Variants in FBXL13 observed in about 807,000 individuals in gnomAD.
FBXL13 encodes the protein F-box and leucine rich repeat protein 13.
FBXL13 carries 67 observed loss-of-function variants against 83.6 expected under a neutral mutation model. The observed-to-expected ratio is 0.80, with a 90% CI of 0.66 to 0.98. FBXL13 has a LOEUF of 0.98. Among genes scored for constraint, FBXL13 ranks in the 50% least tolerant of loss-of-function variants. FBXL13 has a pLI of 0.00. For missense variants in FBXL13, 822 were observed against 866.5 expected, an observed-to-expected ratio of 0.95 and a Z score of 0.64; for synonymous variants, 272 against 299.5, an observed-to-expected ratio of 0.91 and a Z score of 0.95.
At chr7:103,071,424 C>T (rs997412341) in intron 1 of FBXL13, among the ~76,000 whole-genome samples, 2 of 152,096 alleles carry the variant, frequency 1.3e-5, no homozygotes, top group African/African-American at 2.4e-5. Flanking sequence ...TGCTCCATCA[C>T]CCAGGCTGGA....
intron 8 of FBXL13, among the ~76,000 whole-genome samples, chr7:102,948,208 C>T (rs1052733446): frequency 3.3e-5 from 5 of 151,286 alleles, no homozygotes; most frequent in Admixed American, 1.3e-4. Context: ...GGATTACAGG[C>T]GCCCGCCACC....
intron 9 of FBXL13, among the ~76,000 whole-genome samples, chr7:102,930,201 G>A (rs1334411760): frequency 2.0e-5 from 3 of 152,166 alleles, no homozygotes; most frequent in African/African-American, 7.2e-5. Flanking sequence ...GAGGTAGCAG[G>A]GAGGGGCCAA....
intron 6 of FBXL13, among the ~76,000 whole-genome samples, chr7:102,998,000 A>G (rs967497196): frequency 6.6e-6 from 1 of 152,162 alleles, no homozygotes; most frequent in African/African-American, 2.4e-5. Context: ...ATTGTCTTCC[A>G]TATCACTGTA....
chr7:102,882,966 A>C (rs781242166), intron 14 of FBXL13, among the ~76,000 whole-genome samples: 4 of 152,082 alleles, frequency 2.6e-5, no homozygotes, highest in African/African-American at 4.8e-5. Context: ...GTTCTTCATA[A>C]GCAAGTCAGA....
At chr7:102,955,178 T>C (rs1824054026) in intron 8 of FBXL13, among the ~76,000 whole-genome samples, 1 of 151,962 alleles carries the variant, frequency 6.6e-6, no homozygotes, top group African/African-American at 2.4e-5. Flanking sequence ...ACAACAGAAA[T>C]CACAACAAAC....
intron 16 of FBXL13, among the ~76,000 whole-genome samples, chr7:102,864,916 G>A (rs982843674): frequency 2.0e-5 from 3 of 152,170 alleles, no homozygotes; most frequent in African/African-American, 7.2e-5. Flanking sequence ...CTTGCCTGCG[G>A]TCTCAAAGTG....
At chr7:103,037,342 A>G (rs1339690036) in intron 2 of FBXL13, among the ~76,000 whole-genome samples, 1 of 152,308 alleles carries the variant, frequency 6.6e-6, no homozygotes, top group Admixed American at 6.5e-5. Flanking sequence ...GCCTCTCCCA[A>G]ATGATTAAAA....
At chr7:102,882,679 T>C (rs1810260089) in intron 14 of FBXL13, among the ~76,000 whole-genome samples, 1 of 152,068 alleles carries the variant, frequency 6.6e-6, no homozygotes, top group Non-Finnish European at 1.5e-5. Context: ...AGAGAATCAC[T>C]TGAGCATGGG....
intron 8 of FBXL13, among the ~76,000 whole-genome samples, chr7:102,947,683 T>A (rs139052295): frequency 2.0e-5 from 3 of 152,200 alleles, no homozygotes; most frequent in Admixed American, 6.5e-5. Context: ...TACAAGTTCA[T>A]AAGGTTACAA....
intron 18 of FBXL13, among the ~76,000 whole-genome samples, chr7:102,832,015 C>G (rs1800788807): frequency 6.6e-6 from 1 of 152,054 alleles, no homozygotes; most frequent in Non-Finnish European, 1.5e-5. Context: ...TTTTAAAAAA[C>G]AAGGCAAAAC....
intron 8 of FBXL13, chr7:102,944,951 A>G (rs1353475515): frequency 5.6e-6 from 1 of 179,874 alleles, no homozygotes; most frequent in Non-Finnish European, 1.1e-5. Context: ...TCATGTTTAC[A>G]TGCCTTTCGA....
chr7:103,049,725 A>T (rs1023157003), intron 2 of FBXL13, among the ~76,000 whole-genome samples: 5 of 152,230 alleles, frequency 3.3e-5, no homozygotes, highest in African/African-American at 4.8e-5. Flanking sequence ...TTTTAACCAT[A>T]GCACTCTTTA....
intron 18 of FBXL13, among the ~76,000 whole-genome samples, chr7:102,826,621 A>G (rs922722909): frequency 4.7e-5 from 7 of 148,944 alleles, no homozygotes; most frequent in Non-Finnish European, 8.9e-5. Context: ...GCTACTCAGG[A>G]GGCTGAGGTG....
intron 6 of FBXL13, among the ~76,000 whole-genome samples, chr7:102,990,588 C>A (rs1428819260): frequency 6.6e-6 from 1 of 152,044 alleles, no homozygotes; most frequent in African/African-American, 2.4e-5. Context: ...ACAAAATAGG[C>A]CATTATAAGA....
intron 2 of FBXL13, 71 bp downstream of exon 3, chr7:103,055,017 T>C: frequency 9.9e-7 from 1 of 1,009,780 alleles, no homozygotes; most frequent in African/African-American, 1.7e-5. Flanking sequence ...CCCATAAATA[T>C]AAAATCTACT....
At chr7:102,955,328 T>C (rs1266231355) in intron 8 of FBXL13, among the ~76,000 whole-genome samples, 2 of 152,058 alleles carry the variant, frequency 1.3e-5, no homozygotes, top group Non-Finnish European at 2.9e-5. Flanking sequence ...GAAATAAACA[T>C]GTTCTTTGAA....
intron 16 of FBXL13, among the ~76,000 whole-genome samples, chr7:102,859,284 C>T (rs917723732): frequency 6.6e-6 from 1 of 152,114 alleles, no homozygotes; most frequent in Admixed American, 6.6e-5. Context: ...ATCGAGCCGG[C>T]AGAGATGAGG....
intron 11 of FBXL13, among the ~76,000 whole-genome samples, chr7:102,906,101 T>C (rs1044652971): frequency 2.0e-5 from 3 of 152,096 alleles, no homozygotes; most frequent in African/African-American, 7.2e-5. Flanking sequence ...AAGCCCCTGA[T>C]AAAACCATCA....
intron 18 of FBXL13, among the ~76,000 whole-genome samples, chr7:102,830,990 A>C (rs1275247146): frequency 6.6e-6 from 1 of 152,214 alleles, no homozygotes; most frequent in Non-Finnish European, 1.5e-5. Context: ...GGAAGGTCAG[A>C]GTACACGCAT....
Sources: allele counts gnomAD v4.1 joint callset (sites outside exome capture counted in the v4.1 genomes callset), GRCh38; gene constraint gnomAD v4.1.1; transcripts MANE v1.5; gene names NCBI Gene and HGNC (gene_info 2026-07-23, HGNC 2026-07-21).